HPF1: variants seen among roughly 807,000 people sequenced by gnomAD.
HPF1 encodes the protein UPF0609 protein C4orf27.
Under a neutral mutation model 38.8 loss-of-function variants are expected in HPF1, and 35 were observed. That is an observed-to-expected ratio of 0.90 (90% CI 0.69 to 1.19). The LOEUF (loss-of-function observed/expected upper bound fraction) is 1.19, where lower values mean the gene tolerates loss of function less well. Ranked by LOEUF, HPF1 falls within the 50% of genes most tolerant of loss-of-function variation. The pLI, the probability that HPF1 is intolerant of heterozygous loss-of-function variation, is 0.00. For synonymous variants in HPF1, 115 were observed against 139.2 expected (o/e 0.83, Z 1.22); for missense variants, 367 against 405.8 (o/e 0.90, Z 0.82).
chr4:169,743,671 C>T (rs1734009313), intron 4 of HPF1, among the ~76,000 whole-genome samples: 1 of 151,700 alleles, frequency 6.6e-6, no homozygotes, highest in South Asian at 2.1e-4. Context: ...AGATTTTTGC[C>T]ATCAATATAA....
rs1204851822 is a variant in HPF1, at chr4:169,753,781, T to C, written c.103A>G (p.Ser35Gly). The C allele has an allele frequency of 2.5e-6, 4 of 1,613,276 alleles. No individual in the cohort carries two copies. Among genetic ancestry groups the C allele is most frequent in the Non-Finnish European group, 3.4e-6 (4 of 1,179,650 alleles). The part of the protein sequence containing the change: ...KSKFCEADVS[S>G]DLRKEVENHY... ...TTTTCTACTTCTTTTCGAAGGTCACTGGAGACATCAGCTTCACAGAATTTA... is the reference window on the plus strand; with the variant it reads ...TTTTCTACTTCTTTTCGAAGGTCACCGGAGACATCAGCTTCACAGAATTTA... Residue 35 changes from serine to glycine, a missense_variant, in exon 2 of 8, where the codon AGT becomes GGT. Transcript: ENST00000393381.
chr4:169,729,677 AG>A lies in HPF1; in HGVS notation c.941del (p.Pro314LeufsTer7). The A allele has an allele frequency of 6.4e-7, 1 of 1,558,030 alleles. No individual in the cohort carries two copies. ...YFHKVAGQLL[P>X]LAYNLLKRNL... Reference sequence around the variant, plus strand: ...TCCTCTTCAACAGATTATATGCAAGAGGTAAAAGCTGGCCAGCAACTTTATG... The same window carrying A: ...TCCTCTTCAACAGATTATATGCAAGAGTAAAAGCTGGCCAGCAACTTTATG... On this transcript the variant is annotated frameshift_variant, in exon 8 of 8. Coordinates refer to ENST00000393381, the MANE Select transcript of HPF1 (RefSeq NM_017867.3). LOFTEE classifies it high-confidence loss of function.
chr4:169,744,311 C>A (rs1734017502), intron 4 of HPF1, among the ~76,000 whole-genome samples: 1 of 152,186 alleles, frequency 6.6e-6, no homozygotes, highest in Non-Finnish European at 1.5e-5. Flanking sequence ...TCCTCTTTTA[C>A]CTCTGCCACT....
intron 1 of HPF1, among the ~76,000 whole-genome samples, chr4:169,755,062 C>CT (rs1281429477): frequency 1.8e-5 from 2 of 108,766 alleles, no homozygotes; most frequent in Non-Finnish European, 3.2e-5. Context: ...CTATCCCTCC[C>CT]CCCGCCCCCT....
At chr4:169,742,803 T>G (rs1481051717) in intron 4 of HPF1, among the ~76,000 whole-genome samples, 1 of 150,768 alleles carries the variant, frequency 6.6e-6, no homozygotes, top group African/African-American at 2.4e-5. Flanking sequence ...AAAAAATATA[T>G]GTATATATTT....
chr4:169,743,003 G>C (rs1316207344), intron 4 of HPF1, among the ~76,000 whole-genome samples: 4 of 151,124 alleles, frequency 2.6e-5, no homozygotes, highest in Non-Finnish European at 4.4e-5. Context: ...CGGGAGGCTG[G>C]GGTACGAGAA....
At chr4:169,733,159 T>A (rs543439343) in intron 6 of HPF1, among the ~76,000 whole-genome samples, 4 of 152,126 alleles carry the variant, frequency 2.6e-5, no homozygotes, top group Admixed American at 1.3e-4. Flanking sequence ...CTTCACCAAA[T>A]TGGGAGAAGA....
chr4:169,753,606 A>G, intron 2 of HPF1, 70 bp downstream of exon 2: 1 of 1,338,210 alleles, frequency 7.5e-7, no homozygotes, highest in African/African-American at 1.5e-5. Context: ...AGTGTGAGCC[A>G]CCACACCCAG....
intron 6 of HPF1, among the ~76,000 whole-genome samples, chr4:169,733,502 A>AT (rs1208871672): frequency 1.3e-5 from 2 of 152,338 alleles, no homozygotes; most frequent in East Asian, 3.9e-4. Flanking sequence ...TGGTTAAAAC[A>AT]TTAACAATTA....
At chr4:169,731,103 G>A (rs570562817) in intron 7 of HPF1, among the ~76,000 whole-genome samples, 2 of 152,294 alleles carry the variant, frequency 1.3e-5, no homozygotes, top group African/African-American at 2.4e-5. Flanking sequence ...AACCAGTTTG[G>A]CCCCAGAAAC....
chr4:169,744,984 T>C (rs1313331004), intron 4 of HPF1, among the ~76,000 whole-genome samples: 1 of 110,376 alleles, frequency 9.1e-6, no homozygotes, highest in African/African-American at 3.3e-5. Flanking sequence ...AAAAGCAATG[T>C]ACATGTTGCC....
At chr4:169,732,014 T>G (rs961417991) in intron 6 of HPF1, 138 bp from the exon 7 acceptor site, 9 of 590,718 alleles carry the variant, frequency 1.5e-5, no homozygotes, top group Non-Finnish European at 2.3e-5. Flanking sequence ...TGGGTAGTAG[T>G]CTTCAGCACT....
chr4:169,735,947 A>C (rs1248569143), intron 6 of HPF1, among the ~76,000 whole-genome samples: 2 of 151,790 alleles, frequency 1.3e-5, no homozygotes, highest in African/African-American at 4.8e-5. Flanking sequence ...AAAAAAAAAA[A>C]AACCAACAAC....
intron 6 of HPF1, among the ~76,000 whole-genome samples, chr4:169,735,521 G>A (rs147817986): frequency 9.9e-5 from 15 of 152,258 alleles, no homozygotes; most frequent in Non-Finnish European, 2.1e-4. Context: ...ATTAAATACA[G>A]AAGGATCTAA....
At chr4:169,742,472 T>G (rs1012199584) in intron 4 of HPF1, among the ~76,000 whole-genome samples, 3 of 151,944 alleles carry the variant, frequency 2.0e-5, no homozygotes, top group African/African-American at 7.3e-5. Context: ...GAAAAAAAAG[T>G]AGACATCAAA....
At chr4:169,731,468 G>A (rs1415673354) in intron 7 of HPF1, among the ~76,000 whole-genome samples, 1 of 152,148 alleles carries the variant, frequency 6.6e-6, no homozygotes, top group Non-Finnish European at 1.5e-5. Flanking sequence ...TCACCTTTGA[G>A]TGAATGCAAA....
At chr4:169,746,707 T>A (rs1734051606) in intron 4 of HPF1, among the ~76,000 whole-genome samples, 1 of 152,176 alleles carries the variant, frequency 6.6e-6, no homozygotes, top group South Asian at 2.1e-4. Flanking sequence ...GTGTTCTGGT[T>A]AGCTGATTTA....
In HPF1 at chr4:169,750,735, A is replaced by G. The variant is rs569351846; in HGVS notation, c.209-10T>C. On this transcript the variant is annotated splice_polypyrimidine_tract_variant and intron_variant, in intron 2 of 7. Coordinates refer to ENST00000393381, the MANE Select transcript of HPF1 (RefSeq NM_017867.3). ...CTTGCAGAAAGTGAATCTATAAAGA[A>G]AATAAATTTAGACAATACTTTCTGG... is the stretch of plus-strand genomic sequence containing the variant. 3.0e-5 allele frequency: 48 copies of G among 1,577,954 alleles called. No homozygotes were observed. Among genetic ancestry groups the G allele is most frequent in the Non-Finnish European group, 4.1e-5 (47 of 1,158,894 alleles).
chr4:169,738,452 T>A (rs544200300), intron 5 of HPF1, among the ~76,000 whole-genome samples: 1 of 152,302 alleles, frequency 6.6e-6, no homozygotes, highest in African/African-American at 2.4e-5. Context: ...TCTGTACAAA[T>A]ATTCCACTTC....
Sources: allele counts gnomAD v4.1 joint callset (sites outside exome capture counted in the v4.1 genomes callset), GRCh38; gene constraint gnomAD v4.1.1; transcripts MANE v1.5; gene names NCBI Gene and HGNC (gene_info 2026-07-23, HGNC 2026-07-21).